RP1L1: variants seen among roughly 807,000 people sequenced by gnomAD.
RP1L1 encodes RP1 like 1, also known as retinitis pigmentosa 1-like 1 protein.
A neutral mutation model predicts 15.7 loss-of-function variants in RP1L1; 27 were observed. The ratio of observed to expected loss-of-function variants is 1.72; its 90% CI spans 1.27 to 2.38. The LOEUF is 2.38. Ranked by LOEUF, RP1L1 falls within the 30% of genes most tolerant of loss-of-function variation. The pLI, the probability that RP1L1 is intolerant of heterozygous loss-of-function variation, is 0.00. For synonymous variants in RP1L1, 1,813 were observed against 1,276.7 expected, an observed-to-expected ratio of 1.42 and a Z score of -8.96; for missense variants, 4,798 against 3,075.9, an observed-to-expected ratio of 1.56 and a Z score of -13.24.
In RP1L1 at chr8:10,608,113, T is replaced by C; in HGVS notation, c.5985A>G (p.Pro1995=). The part of the protein sequence containing the change: ...ETQEAEGEAQ[P]ESEDVEAPEA... ...CTGGGGCCTCTACATCTTCTGACTC[T>C]GGCTGGGCCTCCCCTTCTGCCTCCT... The change falls in exon 4 of 4, where the codon CCA becomes CCG. Residue 1995 remains proline (P), a synonymous_variant. Transcript: ENST00000382483. The C allele has an allele frequency of 1.2e-6, 2 of 1,612,098 alleles. No homozygotes were observed. Among genetic ancestry groups the C allele is most frequent in the Non-Finnish European group, 1.7e-6 (2 of 1,179,486 alleles).
intron 1 of RP1L1, among the ~76,000 whole-genome samples, chr8:10,626,930 G>C (rs891664381): frequency 1.3e-5 from 2 of 152,136 alleles, no homozygotes. Flanking sequence ...GTAAAAAAAA[G>C]GAGAGACCAC....
intron 1 of RP1L1, among the ~76,000 whole-genome samples, chr8:10,635,866 G>A (rs1241383755): frequency 6.6e-6 from 1 of 152,218 alleles, no homozygotes; most frequent in Non-Finnish European, 1.5e-5. Flanking sequence ...GCCACCAGGT[G>A]GGATGCCTGG....
chr8:10,616,453 G>A lies in RP1L1; in HGVS notation c.744C>T (p.Asn248=), dbSNP rs1300048849. The change falls in exon 3 of 4, where the codon AAC becomes AAT. Residue 248 remains asparagine, a synonymous_variant. Coordinates refer to ENST00000382483, the MANE Select transcript of RP1L1 (RefSeq NM_178857.6). Reference sequence around the variant, plus strand: ...ACCCAAAAACCAACTCACCGTTTTTGTTTCTTGAAGTCAGCCCAGATAAAG... The same window carrying A: ...ACCCAAAAACCAACTCACCGTTTTTATTTCTTGAAGTCAGCCCAGATAAAG... ...AETLSGLTSR[N]KNGSWGPKTK... is the part of the protein sequence containing the mutation. 6.2e-7 allele frequency: 1 copy of A among 1,614,214 alleles called. No homozygotes were observed. The highest frequency in any genetic ancestry group is 1.3e-5 in the African/African-American group (1 of 75,062).
chr8:10,639,965 T>C (rs573791832), intron 1 of RP1L1, among the ~76,000 whole-genome samples: 1 of 152,384 alleles, frequency 6.6e-6, no homozygotes, highest in South Asian at 2.1e-4. Context: ...TAATACGATA[T>C]ATGCAATCTA....
At chr8:10,614,406 T>A (rs1381280937) in intron 3 of RP1L1, among the ~76,000 whole-genome samples, 1 of 152,034 alleles carries the variant, frequency 6.6e-6, no homozygotes, top group African/African-American at 2.4e-5. Flanking sequence ...ACGCCTGTAA[T>A]CCCAACACTT....
chr8:10,647,084 G>C (rs1798490639), intron 1 of RP1L1, among the ~76,000 whole-genome samples: 2 of 152,228 alleles, frequency 1.3e-5, no homozygotes, highest in South Asian at 4.1e-4. Context: ...GGGGCAGCAG[G>C]AAAGAGCTGT....
chr8:10,644,446 G>A (rs925191216), intron 1 of RP1L1, among the ~76,000 whole-genome samples: 2 of 152,218 alleles, frequency 1.3e-5, no homozygotes, highest in South Asian at 2.1e-4. Flanking sequence ...CTGTTGAAGG[G>A]TCACACCAGG....
At chr8:10,616,906 C>T (rs560942094) in intron 2 of RP1L1, among the ~76,000 whole-genome samples, 21 of 152,286 alleles carry the variant, frequency 1.4e-4, no homozygotes, top group African/African-American at 5.1e-4. Flanking sequence ...CCCACATGTC[C>T]ACCCTCCAGA....
At chr8:10,654,772 C>T (rs1311533657) in intron 1 of RP1L1, 126 bp downstream of exon 1, 1 of 152,758 alleles carries the variant, frequency 6.5e-6, no homozygotes, top group Non-Finnish European at 1.5e-5. Flanking sequence ...GCATCCTGTT[C>T]AAGACATCCC....
At chr8:10,650,166 C>G (rs988463022) in intron 1 of RP1L1, among the ~76,000 whole-genome samples, 1 of 152,178 alleles carries the variant, frequency 6.6e-6, no homozygotes, top group Non-Finnish European at 1.5e-5. Flanking sequence ...GCAACCACCA[C>G]GTGATCATGA....
chr8:10,613,024 A>C lies in RP1L1; in HGVS notation c.1074T>G (p.Val358=). 1 of 1,613,506 alleles carries C rather than the reference A, an allele frequency of 6.2e-7. No homozygotes were observed. Among genetic ancestry groups the C allele is most frequent in the Non-Finnish European group, 8.5e-7 (1 of 1,180,004 alleles). Residue 358 remains valine (V), a synonymous_variant, in exon 4 of 4, where the codon GTT becomes GTG. Transcript: ENST00000382483. ...ALTAASGEDP[V]LGEVDPLCCV... is the part of the protein sequence containing the mutation. ...AGCAGAGGGGGTCTACCTCCCCCAGAACGGGGTCTTCCCCACTGGCTGCCG... is the reference window on the plus strand; with the variant it reads ...AGCAGAGGGGGTCTACCTCCCCCAGCACGGGGTCTTCCCCACTGGCTGCCG...
rs746436329 is a variant in RP1L1 at position 10,622,612 on chromosome 8, T to A, written c.590A>T (p.Tyr197Phe). Residue 197 changes from tyrosine to phenylalanine, a missense_variant, in exon 2 of 4, where the codon TAC (tyrosine) becomes TTC (phenylalanine). Transcript: ENST00000382483. ...DLLRFPVKQL[Y>F]TTSGKKVDSL... is the part of the protein sequence containing the mutation. The stretch of plus-strand genomic sequence containing the variant: ...GCCTACCTTTTTCCCGCTGGTCGTG[T>A]ACAACTGCTTCACAGGAAAGCGCAG... The A allele has an allele frequency of 6.2e-7, 1 of 1,614,218 alleles. No homozygotes were observed. Among genetic ancestry groups the A allele is most frequent in the South Asian group, 1.1e-5 (1 of 91,086 alleles).
In RP1L1 at chr8:10,639,405, G is replaced by A. The variant is rs768740580; in HGVS notation, c.-20+15493C>T. 2.0e-4 allele frequency among the ~76,000 whole-genome samples: 30 copies of A among 152,132 alleles called. 1 individual carries two copies. The highest frequency in any genetic ancestry group is 7.2e-5 in the African/African-American group (3 of 41,424). On this transcript the variant is annotated intron_variant, in intron 1 of 3. Transcript: ENST00000382483. ...GAATTTATTTATTTATTTAGAGACAGGGTCTTGCTCAGGCTGGAGTGCAGT... is the reference window on the plus strand; with the variant it reads ...GAATTTATTTATTTATTTAGAGACAAGGTCTTGCTCAGGCTGGAGTGCAGT...
intron 1 of RP1L1, among the ~76,000 whole-genome samples, chr8:10,631,818 G>C (rs142590952): frequency 6.6e-6 from 1 of 152,212 alleles, no homozygotes; most frequent in Non-Finnish European, 1.5e-5. Context: ...GTCCTGGGGG[G>C]CTCTCCACGG....
rs376627166 is a variant in RP1L1, at chr8:10,622,996, G to A, written c.206C>T (p.Ser69Phe). 2.5e-5 allele frequency: 41 copies of A among 1,614,166 alleles called. 1 individual carries two copies. The African/African-American group carries it at 5.1e-4, about 20-fold the overall frequency. Reference sequence around the variant, plus strand: ...CCCAAAGGAGAGAGGCACGCGCTGGGAGAGCTCGTCCATGAGGGCGCTGAA... The same window carrying A: ...CCCAAAGGAGAGAGGCACGCGCTGGAAGAGCTCGTCCATGAGGGCGCTGAA... ...KTFSALMDEL[S>F]QRVPLSFGVR... Residue 69 changes from serine (S) to phenylalanine (F), a missense_variant, in exon 2 of 4, where the codon TCC becomes TTC. Ser to Phe is a radical substitution (Grantham distance 155). Coordinates refer to ENST00000382483, the MANE Select transcript of RP1L1 (RefSeq NM_178857.6).
At chr8:10,653,001 C>T (rs10086770) in intron 1 of RP1L1, among the ~76,000 whole-genome samples, 25,631 of 152,158 alleles carry the variant, frequency 0.17, 4,160 homozygotes, top group African/African-American at 0.43. Flanking sequence ...AAATCAACTC[C>T]GGGTCTGAGG....
intron 1 of RP1L1, among the ~76,000 whole-genome samples, chr8:10,641,501 A>G (rs1585998538): frequency 6.6e-6 from 1 of 152,364 alleles, no homozygotes; most frequent in East Asian, 1.9e-4. Flanking sequence ...CGAAATACAC[A>G]TTTTAAAAAG....
At chr8:10,617,399 CAAAAAAAAAAAAAAA>C (rs369885056) in intron 2 of RP1L1, among the ~76,000 whole-genome samples, 2 of 83,018 alleles carry the variant, frequency 2.4e-5, no homozygotes, top group Non-Finnish European at 5.0e-5. Flanking sequence ...TGCTCATTAA[CAAAAAAAAAAAAAAA>C]AAAAAAAGAA....
chr8:10,612,985 G>A lies in RP1L1; in HGVS notation c.1113C>T (p.Gly371=). Residue 371 remains glycine (G), a synonymous_variant, in exon 4 of 4, where the codon GGC becomes GGT. Coordinates refer to ENST00000382483, the MANE Select transcript of RP1L1 (RefSeq NM_178857.6). ...CAGGCTCTGAGAAGCCCCAAGGGTA[G>A]CCCTCCCACACACAGCAGAGGGGGT... ...EVDPLCCVWE[G]YPWGFSEPGV... The A allele has an allele frequency of 6.2e-7, 1 of 1,613,238 alleles. No individual in the cohort carries two copies. The highest frequency in any genetic ancestry group is 8.5e-7 in the Non-Finnish European group (1 of 1,179,910).
Sources: allele counts gnomAD v4.1 joint callset (sites outside exome capture counted in the v4.1 genomes callset), GRCh38; gene constraint gnomAD v4.1.1; transcripts MANE v1.5; gene names NCBI Gene and HGNC (gene_info 2026-07-23, HGNC 2026-07-21).